Variants in ADAMTS6 observed in about 807,000 individuals in gnomAD.
ADAMTS6 encodes ADAM metallopeptidase with thrombospondin type 1 motif 6.
A neutral mutation model predicts 144.3 loss-of-function variants in ADAMTS6; 23 were observed. That is an observed-to-expected ratio of 0.16 (90% CI 0.11 to 0.23). ADAMTS6 has a LOEUF of 0.23. Among genes scored for constraint, ADAMTS6 ranks in the 10% least tolerant of loss-of-function variants. The pLI is 1.00. For missense variants in ADAMTS6, 999 were observed against 1,379.6 expected, an observed-to-expected ratio of 0.72 and a Z score of 4.37; for synonymous variants, 444 against 457.5, an observed-to-expected ratio of 0.97 and a Z score of 0.38.
At chr5:65,371,015 C>G (rs185571217) in intron 7 of ADAMTS6, among the ~76,000 whole-genome samples, 1 of 152,160 alleles carries the variant, frequency 6.6e-6, no homozygotes, top group East Asian at 1.9e-4. Flanking sequence ...CAGGGGCACA[C>G]TGACACCTCA....
In ADAMTS6 at chr5:65,452,159, G is replaced by A; in HGVS notation, c.901C>T (p.Arg301Cys). ...TGATCTTCTGTGAGAACAATTAAGC[G>A]GGCCACTATAATATTCACAACGTTT... ...LGNVVNIIVA[R>C]LIVLTEDQPN... The change falls in exon 6 of 25, where the codon CGC becomes TGC. Residue 301 changes from arginine to cysteine, a missense_variant. Coordinates refer to ENST00000381055, the MANE Select transcript of ADAMTS6 (RefSeq NM_197941.4). 1.2e-6 allele frequency: 2 copies of A among 1,609,312 alleles called. No homozygotes were observed. Among genetic ancestry groups the A allele is most frequent in the Non-Finnish European group, 1.7e-6 (2 of 1,177,252 alleles).
At chr5:65,277,476 T>C (rs1762631028) in intron 11 of ADAMTS6, among the ~76,000 whole-genome samples, 2 of 152,098 alleles carry the variant, frequency 1.3e-5, no homozygotes, top group African/African-American at 4.8e-5. Flanking sequence ...ACTGCAACCT[T>C]GAACTCCTGG....
intron 24 of ADAMTS6, among the ~76,000 whole-genome samples, chr5:65,167,167 T>C (rs1753222755): frequency 6.9e-6 from 1 of 143,894 alleles, no homozygotes; most frequent in African/African-American, 2.6e-5. Flanking sequence ...GAGAGAAGAA[T>C]CAAATAGACA....
intron 9 of ADAMTS6, among the ~76,000 whole-genome samples, chr5:65,322,460 C>T (rs568421919): frequency 5.3e-5 from 8 of 152,132 alleles, no homozygotes; most frequent in African/African-American, 1.9e-4. Flanking sequence ...AATTTACATG[C>T]AGCATGGTCA....
rs1234421705 is a variant in ADAMTS6, at chr5:65,452,191, CT to C, written c.868del (p.Ser290AlafsTer2). 1 of 1,612,702 alleles carries C rather than the reference CT, an allele frequency of 6.2e-7. No homozygotes were observed. The highest frequency in any genetic ancestry group is 1.1e-5 in the South Asian group (1 of 90,878). The part of the protein sequence containing the change: ...NIVAKLYRDS[S>X]LGNVVNIIVA... ...TATAATATTCACAACGTTTCCTAGG[CT>C]GGAATCACGGTAAAGTTTGGCAACC... On this transcript the variant is annotated frameshift_variant, in exon 6 of 25. Transcript: ENST00000381055. LOFTEE classifies it high-confidence loss of function.
At chr5:65,178,441 A>G (rs1754118846) in intron 22 of ADAMTS6, among the ~76,000 whole-genome samples, 1 of 152,208 alleles carries the variant, frequency 6.6e-6, no homozygotes. Flanking sequence ...ATCTATTATA[A>G]CCAATAGCAA....
chr5:65,425,849 C>T (rs1158464764), intron 7 of ADAMTS6, among the ~76,000 whole-genome samples: 8 of 151,802 alleles, frequency 5.3e-5, no homozygotes, highest in African/African-American at 1.2e-4. Context: ...CTGCAAGCTC[C>T]GCCTCCTGGG....
At chr5:65,201,437 A>G (rs1440137621) in intron 20 of ADAMTS6, among the ~76,000 whole-genome samples, 1 of 152,208 alleles carries the variant, frequency 6.6e-6, no homozygotes, top group East Asian at 1.9e-4. Context: ...TAAAAGTAGA[A>G]AGAAGGCACT....
At chr5:65,227,613 C>G (rs980777870) in intron 15 of ADAMTS6, among the ~76,000 whole-genome samples, 10 of 151,822 alleles carry the variant, frequency 6.6e-5, no homozygotes, top group Non-Finnish European at 1.5e-4. Context: ...AATCATGTTT[C>G]TGCAGGTTGA....
chr5:65,191,012 C>T (rs145103950), intron 21 of ADAMTS6, among the ~76,000 whole-genome samples: 217 of 152,166 alleles, frequency 1.4e-3, no homozygotes, highest in African/African-American at 4.9e-3. Context: ...GGCATTCTTT[C>T]TCTGTCTTCT....
chr5:65,372,559 A>T (rs1751066617), intron 7 of ADAMTS6, among the ~76,000 whole-genome samples: 2 of 152,096 alleles, frequency 1.3e-5, no homozygotes, highest in South Asian at 4.2e-4. Flanking sequence ...AGAGCTAACT[A>T]TCCTAAATAT....
At chr5:65,356,104 T>A (rs953773395) in intron 7 of ADAMTS6, among the ~76,000 whole-genome samples, 23 of 151,778 alleles carry the variant, frequency 1.5e-4, no homozygotes, top group African/African-American at 5.6e-4. Context: ...AGACATATTG[T>A]TAGACTACAT....
chr5:65,456,245 CAA>C (rs1299892586), intron 4 of ADAMTS6, among the ~76,000 whole-genome samples: 1 of 151,930 alleles, frequency 6.6e-6, no homozygotes, highest in Non-Finnish European at 1.5e-5. Context: ...TGTTTTGTTT[CAA>C]AATAAAGATT....
At chr5:65,242,477 TG>T (rs1759274953) in intron 14 of ADAMTS6, among the ~76,000 whole-genome samples, 2 of 152,194 alleles carry the variant, frequency 1.3e-5, no homozygotes, top group South Asian at 4.1e-4. Context: ...TAATCCTCTT[TG>T]TAGTCCATCA....
intron 7 of ADAMTS6, among the ~76,000 whole-genome samples, chr5:65,353,932 T>C (rs1195027286): frequency 1.3e-5 from 2 of 151,994 alleles, no homozygotes; most frequent in African/African-American, 4.8e-5. Flanking sequence ...ATTAAATTGT[T>C]GCAGTAGTAA....
intron 21 of ADAMTS6, among the ~76,000 whole-genome samples, chr5:65,194,501 T>G (rs1755212773): frequency 6.6e-6 from 1 of 152,198 alleles, no homozygotes; most frequent in Non-Finnish European, 1.5e-5. Flanking sequence ...TTAGGTGAAG[T>G]AAATGCATTT....
At chr5:65,171,682 C>T (rs775127650) in intron 23 of ADAMTS6, among the ~76,000 whole-genome samples, 2 of 151,724 alleles carry the variant, frequency 1.3e-5, no homozygotes, top group East Asian at 1.9e-4. Context: ...CAGTGACAGG[C>T]GTGGAGCCTG....
intron 10 of ADAMTS6, among the ~76,000 whole-genome samples, chr5:65,293,482 G>A (rs1246006418): frequency 2.0e-5 from 3 of 151,912 alleles, no homozygotes; most frequent in African/African-American, 4.8e-5. Flanking sequence ...ATTACTTTTA[G>A]TAATACATAA....
intron 11 of ADAMTS6, among the ~76,000 whole-genome samples, chr5:65,289,300 C>T (rs781070716): frequency 3.9e-5 from 6 of 152,134 alleles, no homozygotes; most frequent in Non-Finnish European, 5.9e-5. Context: ...TTTGGGAGGC[C>T]GAGGCGGGCT....
Sources: gnomAD v4.1 joint callset for allele counts (sites outside exome capture counted in the v4.1 genomes callset) on GRCh38, gnomAD v4.1.1 for gene constraint, MANE v1.5 for transcripts, NCBI Gene and HGNC (gene_info 2026-07-23, HGNC 2026-07-21) for gene names.